LAPTM5: variants seen among roughly 807,000 people sequenced by gnomAD.
The protein encoded by LAPTM5 is lysosomal-associated transmembrane protein 5.
LAPTM5 carries 11 observed loss-of-function variants against 30.1 expected under a neutral mutation model. The ratio of observed to expected loss-of-function variants is 0.37; its 90% confidence interval spans 0.23 to 0.60. The LOEUF is 0.60. Among genes scored for constraint, LAPTM5 ranks in the 20% least tolerant of loss-of-function variants. LAPTM5 has a pLI of 0.71. For missense variants in LAPTM5, 324 were observed against 332.5 expected (o/e 0.97, Z 0.20); for synonymous variants, 151 against 137.9 (o/e 1.10, Z -0.67).
chr1:30,737,947 C>A (rs896645153), intron 5 of LAPTM5, among the ~76,000 whole-genome samples: 1 of 152,208 alleles, frequency 6.6e-6, no homozygotes, highest in Non-Finnish European at 1.5e-5. Context: ...GGCTGGCGCA[C>A]CGGCCCATCC....
chr1:30,742,640 C>T, intron 1 of LAPTM5, 91 bp from the exon 2 acceptor site: 1 of 1,001,794 alleles, frequency 1.0e-6, no homozygotes. Flanking sequence ...GCAGGGAAGC[C>T]AGTAGTGGGG....
intron 6 of LAPTM5, among the ~76,000 whole-genome samples, chr1:30,737,313 T>C (rs1220899496): frequency 1.3e-5 from 2 of 152,138 alleles, no homozygotes; most frequent in African/African-American, 2.4e-5. Flanking sequence ...CTAGTGACAG[T>C]GGGGCTTGGA....
At position 30,739,151 on chromosome 1, in the gene LAPTM5, A is replaced by T; in HGVS notation, c.388-89T>A. 6.8e-7 allele frequency: 1 copy of T among 1,473,124 alleles called. No homozygotes were observed. Among genetic ancestry groups the T allele is most frequent in the Non-Finnish European group, 9.2e-7 (1 of 1,090,226 alleles). The allele number at this position is 1,473,124 out of a possible 1,614,324, so 91.3% of individuals were successfully genotyped here. A position where few individuals can be genotyped will look rare whatever the true frequency, so the allele number is the denominator to read the frequency against. On this transcript the variant is annotated intron_variant, in intron 4 of 7. Coordinates refer to ENST00000294507, the MANE Select transcript of LAPTM5 (RefSeq NM_006762.3). This position sits in a 1 kb window ranked among gnomAD's most constrained non-coding sequence, Gnocchi z 4.2. ...GGCACATAGTAGGCCCTCACTTGAGAGACCGTCTCAGCTACAGACATCAGT... is the reference window on the plus strand; with the variant it reads ...GGCACATAGTAGGCCCTCACTTGAGTGACCGTCTCAGCTACAGACATCAGT...
In LAPTM5 at chr1:30,737,684, G is replaced by C; in HGVS notation, c.526C>G (p.Gln176Glu). Residue 176 changes from glutamine to glutamate, a missense_variant, in exon 6 of 8, where the codon CAG (glutamine) becomes GAG (glutamate). Gln to Glu is a conservative substitution (Grantham distance 29). Transcript: ENST00000294507. ...AACTGGTTATGAGGCATATCCTCCT[G>C]GCTGGGGAGGTAATTCTGCAACAGA... Reference protein sequence around the residue: ...SMNHMNYLPSQEDMPHNQFIK... With the variant: ...SMNHMNYLPSEEDMPHNQFIK... 1 of 1,612,290 alleles carries C rather than the reference G, an allele frequency of 6.2e-7. No individual in the cohort carries two copies. Among genetic ancestry groups the C allele is most frequent in the South Asian group, 1.1e-5 (1 of 90,926 alleles).
At position 30,742,511 on chromosome 1, in the gene LAPTM5, C is replaced by A. The variant is rs1639985154; in HGVS notation, c.126G>T (p.Glu42Asp). The A allele has an allele frequency of 5.6e-6, 9 of 1,613,864 alleles. No homozygotes were observed. Among genetic ancestry groups the A allele is most frequent in the Non-Finnish European group, 7.6e-6 (9 of 1,179,988 alleles). ...TGCAGGACGCCTTGCCATGGGCCAC[C>A]TCTACTGAGTGCTCGATGAACAACA... The part of the protein sequence containing the change: ...SVLLFIEHSV[E>D]VAHGKASCKL... The change falls in exon 2 of 8, where the codon GAG becomes GAT. Residue 42 changes from glutamate to aspartate, a missense_variant. Glu to Asp is a conservative substitution (Grantham distance 45). Transcript: ENST00000294507.
intron 5 of LAPTM5, among the ~76,000 whole-genome samples, chr1:30,738,000 C>T (rs1169922668): frequency 6.6e-6 from 1 of 152,172 alleles, no homozygotes; most frequent in East Asian, 1.9e-4. Context: ...CACCTATGCT[C>T]TTCTCTACAA....
intron 1 of LAPTM5, among the ~76,000 whole-genome samples, chr1:30,748,371 C>A (rs556263954): frequency 1.8e-4 from 28 of 152,248 alleles, no homozygotes; most frequent in African/African-American, 6.5e-4. Context: ...TGCCCCTCCC[C>A]CTCAGGGCTG....
chr1:30,751,318 C>T (rs1213891047), intron 1 of LAPTM5, among the ~76,000 whole-genome samples: 1 of 152,240 alleles, frequency 6.6e-6, no homozygotes, highest in African/African-American at 2.4e-5. Flanking sequence ...TGGCAGAGAA[C>T]GTGGCCTCTC....
chr1:30,747,974 G>T (rs1179307729), intron 1 of LAPTM5, among the ~76,000 whole-genome samples: 2 of 152,032 alleles, frequency 1.3e-5, no homozygotes, highest in Non-Finnish European at 1.5e-5. Context: ...TGGTGATAAG[G>T]AATATCATGT....
At chr1:30,741,274 G>C (rs1179579951) in intron 3 of LAPTM5, among the ~76,000 whole-genome samples, 1 of 152,110 alleles carries the variant, frequency 6.6e-6, no homozygotes, top group Non-Finnish European at 1.5e-5. Flanking sequence ...AAAATCCAGT[G>C]CTTTCTCCCG....
intron 6 of LAPTM5, among the ~76,000 whole-genome samples, chr1:30,736,893 A>G (rs913459690): frequency 3.9e-5 from 6 of 152,120 alleles, no homozygotes; most frequent in African/African-American, 1.4e-4. Context: ...AATTCCCCAC[A>G]AGAGTTCTTC....
chr1:30,755,210 T>C (rs1466391545), intron 1 of LAPTM5, among the ~76,000 whole-genome samples: 1 of 151,770 alleles, frequency 6.6e-6, no homozygotes, highest in African/African-American at 2.4e-5. Flanking sequence ...TTGGGCCCCA[T>C]AACTAGAGAC....
rs970534336 is a variant in LAPTM5 at position 30,733,313 on chromosome 1, A to G, written c.*515T>C. 1 of 252,530 alleles carries G rather than the reference A, an allele frequency of 4.0e-6. No individual in the cohort carries two copies. Among genetic ancestry groups the G allele is most frequent in the African/African-American group, 2.3e-5 (1 of 43,472 alleles). The allele number at this position is 252,530 out of a possible 1,614,324, so 15.6% of individuals were successfully genotyped here. On this transcript the variant is annotated 3_prime_UTR_variant, in exon 8 of 8. Transcript: ENST00000294507. ...TGGTTGGCTAATTGATTATCATGTA[A>G]GCAAGCTATTTGAAGAAATTGATTA...
intron 3 of LAPTM5, 104 bp downstream of exon 3, chr1:30,741,536 C>A: frequency 1.4e-6 from 1 of 709,766 alleles, no homozygotes; most frequent in South Asian, 2.4e-5. Context: ...GTGGGACCGC[C>A]TAACATACCC....
chr1:30,749,484 A>G (rs1161138193), intron 1 of LAPTM5, among the ~76,000 whole-genome samples: 1 of 152,204 alleles, frequency 6.6e-6, no homozygotes, highest in Non-Finnish European at 1.5e-5. Flanking sequence ...TAAATTATAC[A>G]TCAAGAAAAG....
rs752997168 is a variant in LAPTM5 at position 30,733,563 on chromosome 1, T to C, written c.*265A>G. ...TAGAATGGCCAATCGTCTAAACAAG[T>C]GTCAGAGCTGATTGAAATAAACCAA... is the stretch of plus-strand genomic sequence containing the variant. On this transcript the variant is annotated 3_prime_UTR_variant, in exon 8 of 8. Transcript: ENST00000294507. The C allele has an allele frequency of 8.7e-6, 13 of 1,502,334 alleles. No homozygotes were observed. Among genetic ancestry groups the C allele is most frequent in the African/African-American group, 1.4e-5 (1 of 72,360 alleles). 93.1% of individuals were successfully genotyped at this position (1,502,334 alleles called of 1,614,324 possible).
At chr1:30,747,633 T>A (rs1204094552) in intron 1 of LAPTM5, among the ~76,000 whole-genome samples, 1 of 152,158 alleles carries the variant, frequency 6.6e-6, no homozygotes, top group Non-Finnish European at 1.5e-5. Context: ...GGGATTTGTT[T>A]CTTTTCCTGG....
At chr1:30,750,420 G>A (rs1640117743) in intron 1 of LAPTM5, among the ~76,000 whole-genome samples, 1 of 152,208 alleles carries the variant, frequency 6.6e-6, no homozygotes, top group African/African-American at 2.4e-5. Context: ...CACGGGCTCT[G>A]CATCTGAGTA....
chr1:30,757,358 C>A (rs1414471905), intron 1 of LAPTM5, among the ~76,000 whole-genome samples: 1 of 152,202 alleles, frequency 6.6e-6, no homozygotes. Flanking sequence ...TGCTGCTGTG[C>A]CCCATCTCAC....
Sources: allele counts gnomAD v4.1 joint callset (sites outside exome capture counted in the v4.1 genomes callset), GRCh38; gene constraint gnomAD v4.1.1; non-coding constraint Gnocchi (gnomAD v3.1); transcripts MANE v1.5; gene names NCBI Gene and HGNC (gene_info 2026-07-23, HGNC 2026-07-21).